The following FAM78A variants were observed in gnomAD, a reference collection of about 807,000 sequenced individuals.
The protein encoded by FAM78A is protein FAM78A.
Under a neutral mutation model 22.6 loss-of-function variants are expected in FAM78A, and 12 were observed. The ratio of observed to expected loss-of-function variants is 0.53; its 90% CI spans 0.34 to 0.86. The LOEUF (loss-of-function observed/expected upper bound fraction) is 0.86. FAM78A is among the 40% of genes least tolerant of loss of function. The pLI is 0.02. For missense variants in FAM78A, 322 were observed against 396.1 expected, an observed-to-expected ratio of 0.81 and a Z score of 1.59; for synonymous variants, 151 against 155.8, an observed-to-expected ratio of 0.97 and a Z score of 0.23.
rs1237822781 is a variant in FAM78A, at chr9:131,264,762, C to G, written c.324-3412G>C. 4.6e-5 allele frequency: 28 copies of G among 605,670 alleles called. No homozygotes were observed. The East Asian group carries it at 7.9e-4, about 17-fold the overall frequency. The allele number at this position is 605,670 out of a possible 1,614,324, so 37.5% of individuals were successfully genotyped here. A position where few individuals can be genotyped will look rare whatever the true frequency, so the allele number is the denominator to read the frequency against. ...TTTTTGAGACAGAGTCTCACTCTGT[C>G]ACTCAGGCTGGAGTGCAGTGGCGGG... On this transcript the variant is annotated intron_variant, in intron 1 of 1. Coordinates refer to ENST00000372271, the MANE Select transcript of FAM78A (RefSeq NM_033387.4).
chr9:131,270,911 C>T (rs1011792452), intron 1 of FAM78A, among the ~76,000 whole-genome samples: 2 of 151,798 alleles, frequency 1.3e-5, no homozygotes, highest in African/African-American at 2.4e-5. Context: ...GGTGGGAAGG[C>T]GCCCGAGGCA....
chr9:131,274,348 C>A lies in FAM78A; in HGVS notation c.323+1509G>T, dbSNP rs1835456010. On this transcript the variant is annotated intron_variant, in intron 1 of 1. Transcript: ENST00000372271. This position sits in a 1 kb window ranked among gnomAD's most constrained non-coding sequence, Gnocchi z 4.2. ...TTTGTTTCTACAACTGTCCCGATGCCTTCAAAGCCCGAGGAGGTTTCTGGG... is the reference window on the plus strand; with the variant it reads ...TTTGTTTCTACAACTGTCCCGATGCATTCAAAGCCCGAGGAGGTTTCTGGG... 6.6e-6 allele frequency among the ~76,000 whole-genome samples: 1 copy of A among 152,274 alleles called. No homozygotes were observed. Among genetic ancestry groups the A allele is most frequent in the Non-Finnish European group, 1.5e-5 (1 of 68,050 alleles).
At chr9:131,280,755 G>A (rs1172954982), upstream of FAM78A, among the ~76,000 whole-genome samples, 1 of 152,208 alleles carries the variant, frequency 6.6e-6, no homozygotes, top group Admixed American at 6.5e-5. Flanking sequence ...GACCTGGGAA[G>A]TCTTTGGAAA....
chr9:131,268,818 G>A (rs532339429), intron 1 of FAM78A, among the ~76,000 whole-genome samples: 14 of 152,156 alleles, frequency 9.2e-5, no homozygotes, highest in South Asian at 4.2e-4. Flanking sequence ...ACTTGAACCC[G>A]GGAGGCGGAG....
In FAM78A at chr9:131,261,301, T is replaced by C; in HGVS notation, c.373A>G (p.Ser125Gly). 1 of 1,603,648 alleles carries C rather than the reference T, an allele frequency of 6.2e-7. No individual in the cohort carries two copies. The change falls in exon 2 of 2, where the codon AGC becomes GGC. Residue 125 changes from serine to glycine, a missense_variant. Coordinates refer to ENST00000372271, the MANE Select transcript of FAM78A (RefSeq NM_033387.4). This position sits in a 1 kb window ranked among gnomAD's most constrained non-coding sequence, Gnocchi z 7.1. ...DLQEGKIQAI[S>G]DSDGVNYPWY... ...GGGTAGTTCACCCCATCCGAGTCGC[T>C]GATGGCTTGGATCTTGCCCTCCTGG...
rs1835269058 is a variant in FAM78A at position 131,261,486 on chromosome 9, CT to C, written c.324-137del. 2 of 746,990 alleles carry C rather than the reference CT, an allele frequency of 2.7e-6. No homozygotes were observed. The highest frequency in any genetic ancestry group is 4.2e-6 in the Non-Finnish European group (2 of 477,394). The allele number at this position is 746,990 out of a possible 1,614,324, so 46.3% of individuals were successfully genotyped here. A position where few individuals can be genotyped will look rare whatever the true frequency, so the allele number is the denominator to read the frequency against. On this transcript the variant is annotated intron_variant, in intron 1 of 1. Coordinates refer to ENST00000372271, the MANE Select transcript of FAM78A (RefSeq NM_033387.4). The surrounding 1 kb of genome is among the most constrained non-coding windows in gnomAD (Gnocchi z 7.1). ...AGACCACCCGGTCCCCTTTGACGTT[CT>C]GGGGGCAGGGGGTCAGACAGTAGCT...
chr9:131,270,953 G>T (rs1172980498), intron 1 of FAM78A, among the ~76,000 whole-genome samples: 1 of 151,864 alleles, frequency 6.6e-6, no homozygotes, highest in African/African-American at 2.4e-5. Context: ...GCAGGACAGG[G>T]TGGCACCCAG....
chr9:131,270,597 C>T, intron 1 of FAM78A: 1 of 704,752 alleles, frequency 1.4e-6, no homozygotes, highest in Admixed American at 2.0e-5. Context: ...AGCCTTGAAA[C>T]AAGGACTTCC....
chr9:131,280,810 G>A (rs1835537509), upstream of FAM78A, among the ~76,000 whole-genome samples: 1 of 152,192 alleles, frequency 6.6e-6, no homozygotes, highest in Non-Finnish European at 1.5e-5. Context: ...CGTGAGCTGG[G>A]GCTTTGCACA....
chr9:131,275,714 C>A lies in FAM78A; in HGVS notation c.323+143G>T. 1 of 898,754 alleles carries A rather than the reference C, an allele frequency of 1.1e-6. No individual in the cohort carries two copies. The highest frequency in any genetic ancestry group is 1.9e-5 in the South Asian group (1 of 53,050). 55.7% of individuals were successfully genotyped at this position (898,754 alleles called of 1,614,324 possible). The stretch of plus-strand genomic sequence containing the variant: ...GGAGCCACCGGGCCAATGAGGCCAC[C>A]TGCATACCTGCCTAAAGCTTCCCTC... On this transcript the variant is annotated intron_variant, in intron 1 of 1. Transcript: ENST00000372271. The surrounding 1 kb of genome is among the most constrained non-coding windows in gnomAD (Gnocchi z 4.6).
chr9:131,268,766 G>A (rs1368393787), intron 1 of FAM78A, among the ~76,000 whole-genome samples: 1 of 152,050 alleles, frequency 6.6e-6, no homozygotes, highest in East Asian at 1.9e-4. Flanking sequence ...GGTGGCAGGT[G>A]CCTGTAGTCC....
intron 1 of FAM78A, among the ~76,000 whole-genome samples, chr9:131,269,225 A>AT (rs1835387004): frequency 1.3e-5 from 2 of 152,062 alleles, no homozygotes; most frequent in Admixed American, 1.3e-4. Flanking sequence ...CTCTGCATAC[A>AT]CACACAGGAT....
chr9:131,278,123 C>G (rs1283814343), upstream of FAM78A, among the ~76,000 whole-genome samples: 1 of 151,218 alleles, frequency 6.6e-6, no homozygotes, highest in Non-Finnish European at 1.5e-5. Context: ...CCGCACACAG[C>G]CCGCCCTCCC....
intron 1 of FAM78A, among the ~76,000 whole-genome samples, chr9:131,262,133 C>T (rs1236316941): frequency 6.6e-6 from 1 of 151,298 alleles, no homozygotes; most frequent in East Asian, 2.0e-4. Context: ...TGAGAACACC[C>T]TGGCCAATAT....
rs1439259918 is a variant in FAM78A, at chr9:131,275,055, C to T, written c.323+802G>A. On this transcript the variant is annotated intron_variant, in intron 1 of 1. Coordinates refer to ENST00000372271, the MANE Select transcript of FAM78A (RefSeq NM_033387.4). The surrounding 1 kb of genome is among the most constrained non-coding windows in gnomAD (Gnocchi z 4.6). ...AATGCAGCTCTTTTCACCCTGGGGA[C>T]GGCCTTCTCTGGGGTCAGGAAGCAG... 2.0e-5 allele frequency among the ~76,000 whole-genome samples: 3 copies of T among 152,168 alleles called. No homozygotes were observed. Among genetic ancestry groups the T allele is most frequent in the Admixed American group, 1.3e-4 (2 of 15,278 alleles).
At chr9:131,277,839 C>T (rs1835504474), upstream of FAM78A, among the ~76,000 whole-genome samples, 1 of 151,390 alleles carries the variant, frequency 6.6e-6, no homozygotes, top group South Asian at 2.1e-4. The surrounding 1 kb of genome is among the most constrained non-coding windows in gnomAD (Gnocchi z 8.4). Flanking sequence ...TCAGCCCCGC[C>T]GCCGCGCCGC....
intron 1 of FAM78A, among the ~76,000 whole-genome samples, chr9:131,267,442 G>A (rs1835358850): frequency 6.6e-6 from 1 of 152,146 alleles, no homozygotes; most frequent in Non-Finnish European, 1.5e-5. Flanking sequence ...TAAGGTGGGA[G>A]GATTGCTTGA....
At position 131,260,690 on chromosome 9, in the gene FAM78A, C is replaced by T; in HGVS notation, c.*132G>A. The T allele has an allele frequency of 8.4e-7, 1 of 1,183,444 alleles. No individual in the cohort carries two copies. Among genetic ancestry groups the T allele is most frequent in the South Asian group, 1.8e-5 (1 of 57,106 alleles). 73.3% of individuals were successfully genotyped at this position (1,183,444 alleles called of 1,614,324 possible). A position where few individuals can be genotyped will look rare whatever the true frequency, so the allele number is the denominator to read the frequency against. On this transcript the variant is annotated 3_prime_UTR_variant, in exon 2 of 2. Coordinates refer to ENST00000372271, the MANE Select transcript of FAM78A (RefSeq NM_033387.4). This position sits in a 1 kb window ranked among gnomAD's most constrained non-coding sequence, Gnocchi z 5.4. ...GCCGGGGAGGCCTTCCCGGGGGCAT[C>T]AGCACAGTGAGATCCGCCCGCTGGA...
intron 1 of FAM78A, among the ~76,000 whole-genome samples, chr9:131,270,032 T>TTAAA (rs1835396769): frequency 1.2e-4 from 4 of 34,128 alleles, no homozygotes; most frequent in African/African-American, 3.7e-4. Flanking sequence ...CCATCCCTAC[T>TTAAA]AAAATAAAAA....
Sources: gnomAD v4.1 joint callset for allele counts (sites outside exome capture counted in the v4.1 genomes callset) on GRCh38, gnomAD v4.1.1 for gene constraint, Gnocchi (gnomAD v3.1) non-coding constraint, MANE v1.5 for transcripts, NCBI Gene and HGNC (gene_info 2026-07-23, HGNC 2026-07-21) for gene names.